Variants in THSD4 observed in about 807,000 individuals in gnomAD.
The protein encoded by THSD4 is thrombospondin type-1 domain-containing protein 4.
In THSD4, 69 loss-of-function variants were observed where a neutral mutation model predicts 119.0. The observed-to-expected ratio is 0.58, with a 90% CI of 0.48 to 0.71. The LOEUF is 0.71. THSD4 is among the 30% of genes least tolerant of loss of function. The pLI, the probability that THSD4 is intolerant of heterozygous loss-of-function variation, is 0.00. For synonymous variants in THSD4, 524 were observed against 540.4 expected, an observed-to-expected ratio of 0.97 and a Z score of 0.42; for missense variants, 1,393 against 1,391.1, an observed-to-expected ratio of 1.00 and a Z score of -0.02.
chr15:71,278,752 G>A (rs1254774002), intron 6 of THSD4, among the ~76,000 whole-genome samples: 1 of 152,136 alleles, frequency 6.6e-6, no homozygotes, highest in Non-Finnish European at 1.5e-5. Flanking sequence ...GGTAAGAAAC[G>A]CTAGGCAGAC....
At chr15:71,438,948 G>A (rs1379721582) in intron 7 of THSD4, among the ~76,000 whole-genome samples, 1 of 152,050 alleles carries the variant, frequency 6.6e-6, no homozygotes, top group Non-Finnish European at 1.5e-5. Context: ...TGACTTTTTG[G>A]AGCAGAATGG....
At chr15:71,405,152 G>A (rs2046588582) in intron 6 of THSD4, among the ~76,000 whole-genome samples, 1 of 152,182 alleles carries the variant, frequency 6.6e-6, no homozygotes, top group African/African-American at 2.4e-5. Context: ...GCCTCCCAAA[G>A]TGCTGGAATT....
chr15:71,732,255 T>G (rs945267288), intron 10 of THSD4: 2 of 152,248 alleles, frequency 1.3e-5, no homozygotes, highest in African/African-American at 2.4e-5. Context: ...CTGTCTACTA[T>G]ATGCCTTTTC....
chr15:71,528,925 TC>T lies in THSD4; in HGVS notation c.1152+117103del, dbSNP rs139873471. Among the ~76,000 whole-genome samples the T allele has an allele frequency of 5.3e-3, 810 of 152,346 alleles. 7 individuals are homozygous for T. Among genetic ancestry groups the T allele is most frequent in the African/African-American group, 0.018 (742 of 41,580 alleles). On this transcript the variant is annotated intron_variant, in intron 7 of 17. Coordinates refer to ENST00000261862, the MANE Select transcript of THSD4 (RefSeq NM_024817.3). ...CTTAGATAACAGCTATGAACTCACT[TC>T]TTTGGAAGATCCTGACTGCTATGGC...
chr15:71,700,391 C>T (rs1216271529), intron 8 of THSD4, among the ~76,000 whole-genome samples: 1 of 151,804 alleles, frequency 6.6e-6, no homozygotes, highest in Non-Finnish European at 1.5e-5. Context: ...TGTACAAGAA[C>T]CATAGGAAAG....
intron 6 of THSD4, among the ~76,000 whole-genome samples, chr15:71,309,541 C>A (rs1300276720): frequency 6.6e-6 from 1 of 152,112 alleles, no homozygotes; most frequent in Non-Finnish European, 1.5e-5. Flanking sequence ...GCTGCATGTA[C>A]ATTTGATGTC....
At chr15:71,487,016 A>G (rs2047833277) in intron 7 of THSD4, among the ~76,000 whole-genome samples, 1 of 152,202 alleles carries the variant, frequency 6.6e-6, no homozygotes, top group Admixed American at 6.5e-5. Context: ...CCTTTCAGCC[A>G]GGGAAGTAGT....
intron 7 of THSD4, among the ~76,000 whole-genome samples, chr15:71,519,899 A>G (rs1274034386): frequency 1.3e-5 from 2 of 152,192 alleles, no homozygotes; most frequent in African/African-American, 4.8e-5. Flanking sequence ...AGCCAGGTCC[A>G]GGGAGTAGGC....
chr15:71,215,446 A>G (rs1387485520), intron 4 of THSD4, 47 bp downstream of exon 4: 12 of 1,467,798 alleles, frequency 8.2e-6, no homozygotes, highest in Non-Finnish European at 1.1e-5. Context: ...CTGTCCCAGT[A>G]TCTGCCCCTG....
chr15:71,467,034 A>G (rs927590215), intron 7 of THSD4, among the ~76,000 whole-genome samples: 1 of 152,354 alleles, frequency 6.6e-6, no homozygotes, highest in South Asian at 2.1e-4. Context: ...TTCAATTCAA[A>G]TGGAAAGGCC....
intron 7 of THSD4, among the ~76,000 whole-genome samples, chr15:71,491,522 G>C (rs2047919411): frequency 6.6e-6 from 1 of 152,168 alleles, no homozygotes; most frequent in African/African-American, 2.4e-5. Flanking sequence ...CAGCAGGAAG[G>C]CCCTTGCCAG....
intron 7 of THSD4, among the ~76,000 whole-genome samples, chr15:71,650,436 C>A (rs2051060807): frequency 6.6e-6 from 1 of 152,118 alleles, no homozygotes; most frequent in African/African-American, 2.4e-5. Context: ...CCAGACGATG[C>A]CTGCACTGCT....
chr15:71,388,657 G>GGA (rs199693529), intron 6 of THSD4, among the ~76,000 whole-genome samples: 1 of 117,822 alleles, frequency 8.5e-6, no homozygotes, highest in Admixed American at 8.0e-5. Flanking sequence ...TTGATTCTTT[G>GGA]GAGAGAGTGT....
At chr15:71,193,859 C>T (rs561423984) in intron 3 of THSD4, among the ~76,000 whole-genome samples, 64 of 152,248 alleles carry the variant, frequency 4.2e-4, no homozygotes, top group Middle Eastern at 3.4e-3. Flanking sequence ...TACAGGCGCC[C>T]GCCGCCACGC....
chr15:71,244,683 C>G (rs1567167689), intron 5 of THSD4, among the ~76,000 whole-genome samples: 1 of 152,202 alleles, frequency 6.6e-6, no homozygotes, highest in Non-Finnish European at 1.5e-5. Flanking sequence ...TACCTCCTAG[C>G]ATTGCTTTGA....
intron 7 of THSD4, among the ~76,000 whole-genome samples, chr15:71,588,797 A>G (rs577686441): frequency 2.0e-5 from 3 of 152,286 alleles, no homozygotes; most frequent in Admixed American, 2.0e-4. Flanking sequence ...CTTGGAATAC[A>G]TGTGGGGGAG....
intron 8 of THSD4, among the ~76,000 whole-genome samples, chr15:71,689,800 C>T (rs1276624445): frequency 6.6e-6 from 1 of 152,158 alleles, no homozygotes; most frequent in African/African-American, 2.4e-5. Context: ...AGAGATTCCT[C>T]GGGTGTTATT....
intron 1 of THSD4, among the ~76,000 whole-genome samples, chr15:71,107,694 C>T (rs1297755741): frequency 6.6e-6 from 1 of 152,192 alleles, no homozygotes; most frequent in African/African-American, 2.4e-5. Context: ...CCCGTGACAA[C>T]GGAAGAATGG....
intron 6 of THSD4, among the ~76,000 whole-genome samples, chr15:71,261,706 A>G (rs368241301): frequency 1.3e-4 from 20 of 152,280 alleles, no homozygotes; most frequent in Non-Finnish European, 2.5e-4. Flanking sequence ...ACATTCTTCT[A>G]CCAAAATCAG....
Sources: gnomAD v4.1 joint callset for allele counts (sites outside exome capture counted in the v4.1 genomes callset) on GRCh38, gnomAD v4.1.1 for gene constraint, MANE v1.5 for transcripts, NCBI Gene and HGNC (gene_info 2026-07-23, HGNC 2026-07-21) for gene names.